CDK5RAP2: variants seen among roughly 807,000 people sequenced by gnomAD.
CDK5RAP2 encodes the protein CDK5 regulatory subunit associated protein 2.
In CDK5RAP2, 147 loss-of-function variants were observed where a neutral mutation model predicts 232.9. That is an observed-to-expected ratio of 0.63 (90% CI 0.55 to 0.72). The LOEUF (loss-of-function observed/expected upper bound fraction) is 0.72, where lower values mean the gene tolerates loss of function less well. Ranked by LOEUF, CDK5RAP2 falls within the 30% of genes least tolerant of loss-of-function variation. CDK5RAP2 has a pLI of 0.00. For missense variants in CDK5RAP2, 2,195 were observed against 2,231.5 expected (o/e 0.98, Z 0.33); for synonymous variants, 833 against 833.7 (o/e 1.00, Z 0.01).
intron 22 of CDK5RAP2, among the ~76,000 whole-genome samples, chr9:120,444,293 G>C (rs1312525586): frequency 6.6e-6 from 1 of 152,196 alleles, no homozygotes; most frequent in Non-Finnish European, 1.5e-5. Flanking sequence ...AAAATGGCAA[G>C]CTATGGGCAA....
rs567381518 is a variant in CDK5RAP2 at position 120,410,209 on chromosome 9, G to A, written c.4415-893C>T. Among the ~76,000 whole-genome samples, 3 of 152,284 alleles carry A rather than the reference G, an allele frequency of 2.0e-5. No homozygotes were observed. The South Asian group carries it at 6.2e-4, about 32-fold the overall frequency. On this transcript the variant is annotated intron_variant, in intron 29 of 37. Transcript: ENST00000349780. ...CAGAACCAGAATTCGGACTCAGTCT[G>A]ATTCCATTCTTAAACACAACAAGAT...
chr9:120,458,442 A>T lies in CDK5RAP2; in HGVS notation c.2375+8T>A. On this transcript the variant is annotated splice_region_variant and intron_variant, in intron 20 of 37. Coordinates refer to ENST00000349780, the MANE Select transcript of CDK5RAP2 (RefSeq NM_018249.6). ...AGAAACAAAGGAATGCCTGGGCCCC[A>T]TGTATACCTGGATTCCAGTAATAAT... 6.2e-7 allele frequency: 1 copy of T among 1,613,954 alleles called. No homozygotes were observed. Among genetic ancestry groups the T allele is most frequent in the Non-Finnish European group, 8.5e-7 (1 of 1,179,820 alleles).
intron 18 of CDK5RAP2, among the ~76,000 whole-genome samples, chr9:120,462,464 C>T (rs2037144686): frequency 1.3e-5 from 2 of 151,070 alleles, no homozygotes; most frequent in African/African-American, 4.9e-5. Context: ...AAGTGTGTCC[C>T]AACAAAGAAT....
intron 6 of CDK5RAP2, among the ~76,000 whole-genome samples, chr9:120,537,697 A>T (rs1052326279): frequency 6.6e-6 from 1 of 152,182 alleles, no homozygotes; most frequent in Non-Finnish European, 1.5e-5. Flanking sequence ...TGTTTAAAAA[A>T]AAAAAAAAAG....
Position 120,540,500 on chromosome 9 carries a change from C to T in CDK5RAP2, c.384-1336G>A, listed in dbSNP as rs1024792991. Among the ~76,000 whole-genome samples, 6 of 152,276 alleles carry T rather than the reference C, an allele frequency of 3.9e-5. No individual in the cohort carries two copies. The South Asian group carries it at 8.3e-4, about 21-fold the overall frequency. On this transcript the variant is annotated intron_variant, in intron 5 of 37. Coordinates refer to ENST00000349780, the MANE Select transcript of CDK5RAP2 (RefSeq NM_018249.6). ...TGTTGTCCAAATCTCAAACATGAGT[C>T]GCCTGAAAATAAAGACTTTATTAAT...
intron 36 of CDK5RAP2, among the ~76,000 whole-genome samples, chr9:120,390,469 G>A (rs185317480): frequency 2.6e-5 from 4 of 152,292 alleles, no homozygotes; most frequent in African/African-American, 4.8e-5. Flanking sequence ...TGACACTGAC[G>A]CCCGGAGCAC....
intron 10 of CDK5RAP2, 80 bp from the exon 11 acceptor site, chr9:120,525,158 A>G (rs2040844103): frequency 3.8e-6 from 4 of 1,058,606 alleles, no homozygotes; most frequent in South Asian, 2.6e-5. Flanking sequence ...TTCCTGCTCA[A>G]TTGTGTCGTG....
chr9:120,442,103 G>T (rs1342905660), intron 23 of CDK5RAP2, among the ~76,000 whole-genome samples: 1 of 152,178 alleles, frequency 6.6e-6, no homozygotes, highest in African/African-American at 2.4e-5. Context: ...ATAAAGATTA[G>T]TTCCCAGGAC....
chr9:120,520,458 A>T (rs2040565895), intron 11 of CDK5RAP2, among the ~76,000 whole-genome samples: 1 of 152,138 alleles, frequency 6.6e-6, no homozygotes, highest in African/African-American at 2.4e-5. Context: ...GCTGACCAAT[A>T]TGGTGAAACC....
chr9:120,408,615 C>T, intron 30 of CDK5RAP2, 147 bp from the exon 31 acceptor site: 1 of 896,548 alleles, frequency 1.1e-6, no homozygotes, highest in Middle Eastern at 3.0e-4. Flanking sequence ...TCCATGTGCT[C>T]TCTAATCCTA....
chr9:120,450,441 C>T (rs1439289660), intron 21 of CDK5RAP2, among the ~76,000 whole-genome samples: 1 of 152,072 alleles, frequency 6.6e-6, no homozygotes, highest in Admixed American at 6.5e-5. Flanking sequence ...TGTTGTCCAA[C>T]TCTGTGAATA....
chr9:120,422,793 G>C, intron 25 of CDK5RAP2, 52 bp from the exon 26 acceptor site: 2 of 1,381,660 alleles, frequency 1.4e-6, no homozygotes, highest in Non-Finnish European at 2.1e-6. Context: ...GTTTTTAAGT[G>C]TTCCCTAATA....
intron 12 of CDK5RAP2, among the ~76,000 whole-genome samples, chr9:120,508,899 CTGTGTATGAT>C (rs1234079135): frequency 1.3e-5 from 2 of 152,142 alleles, no homozygotes; most frequent in African/African-American, 4.8e-5. Context: ...CCTTCAGAGA[CTGTGTATGAT>C]TTTATTCGGT....
intron 9 of CDK5RAP2, among the ~76,000 whole-genome samples, 179 bp from the exon 10 acceptor site, chr9:120,528,104 G>A (rs1021564530): frequency 1.3e-5 from 2 of 152,130 alleles, no homozygotes; most frequent in Non-Finnish European, 2.9e-5. Flanking sequence ...CTGTGTTACC[G>A]CTCCCGGCAA....
intron 23 of CDK5RAP2, among the ~76,000 whole-genome samples, chr9:120,442,228 C>T (rs1012056302): frequency 3.3e-5 from 5 of 152,108 alleles, no homozygotes; most frequent in Non-Finnish European, 7.4e-5. Context: ...CAGTAGAGCC[C>T]CTCCTCAAAG....
At chr9:120,424,865 A>G (rs909623390) in intron 25 of CDK5RAP2, among the ~76,000 whole-genome samples, 1 of 151,814 alleles carries the variant, frequency 6.6e-6, no homozygotes, top group African/African-American at 2.4e-5. Context: ...ACCATCAGCT[A>G]ATTTTTTTGT....
intron 15 of CDK5RAP2, 148 bp downstream of exon 15, chr9:120,477,202 C>T (rs1184320145): frequency 4.2e-6 from 3 of 717,632 alleles, no homozygotes; most frequent in Admixed American, 2.0e-5. Flanking sequence ...AGGGCAGTCG[C>T]CACCCAAGCT....
intron 6 of CDK5RAP2, among the ~76,000 whole-genome samples, chr9:120,537,691 TAAA>T (rs773858392): frequency 7.4e-6 from 1 of 135,742 alleles, no homozygotes; most frequent in Non-Finnish European, 1.6e-5. Flanking sequence ...ATCATCTGTT[TAAA>T]AAAAAAAAAA....
At position 120,407,156 on chromosome 9, in the gene CDK5RAP2, T is replaced by C. The variant is rs750195132; in HGVS notation, c.4819A>G (p.Arg1607Gly). 2 of 1,613,956 alleles carry C rather than the reference T, an allele frequency of 1.2e-6. No individual in the cohort carries two copies. Among genetic ancestry groups the C allele is most frequent in the African/African-American group, 2.7e-5 (2 of 74,940 alleles). ...EIQALRLQLE[R>G]SIETSSTLQS... ...AGAGTGCTGCTGGTTTCGATGCTCC[T>C]TTCTAGTTGCAAGCGCAGAGCCTGG... The change falls in exon 32 of 38, where the codon AGG (arginine) becomes GGG (glycine). Residue 1607 changes from arginine (R) to glycine (G), a missense_variant. Arg to Gly is a moderately radical substitution (Grantham distance 125). Transcript: ENST00000349780.
Sources: allele counts gnomAD v4.1 joint callset (sites outside exome capture counted in the v4.1 genomes callset), GRCh38; gene constraint gnomAD v4.1.1; transcripts MANE v1.5; gene names NCBI Gene and HGNC (gene_info 2026-07-23, HGNC 2026-07-21).